Variants in SV2C observed in about 807,000 individuals in gnomAD.
SV2C encodes synaptic vesicle glycoprotein 2C.
In SV2C, 49 loss-of-function variants were observed where a neutral mutation model predicts 79.7. That is an observed-to-expected ratio of 0.61 (90% CI 0.49 to 0.78). SV2C has a LOEUF of 0.78. Among genes scored for constraint, SV2C ranks in the 30% least tolerant of loss-of-function variants. The probability of loss-of-function intolerance (pLI) is 0.00; values close to 1 mark genes in which losing one functional copy is unlikely to be tolerated. For synonymous variants in SV2C, 334 were observed against 333.2 expected, an observed-to-expected ratio of 1.00 and a Z score of -0.03; for missense variants, 833 against 912.9, an observed-to-expected ratio of 0.91 and a Z score of 1.13.
chr5:76,177,642 T>G lies in SV2C; in HGVS notation c.581-17277T>G, dbSNP rs530105208. 1.7e-4 allele frequency among the ~76,000 whole-genome samples: 26 copies of G among 152,350 alleles called. No individual in the cohort carries two copies. The South Asian group carries it at 5.2e-3, about 30-fold the overall frequency. The stretch of plus-strand genomic sequence containing the variant: ...GATAAGGGGGAACTACTGTATGCTA[T>G]TCCAGATATGTGTTATTATGTCCCA... On this transcript the variant is annotated intron_variant, in intron 2 of 12. Transcript: ENST00000502798.
intron 4 of SV2C, among the ~76,000 whole-genome samples, chr5:76,247,304 C>T (rs1200021744): frequency 1.6e-5 from 2 of 123,158 alleles, no homozygotes; most frequent in African/African-American, 5.1e-5. Context: ...ATGCTAAACA[C>T]TTACAGGTAC....
intron 4 of SV2C, 130 bp from the exon 5 acceptor site, chr5:76,285,032 C>G: frequency 7.5e-7 from 1 of 1,333,904 alleles, no homozygotes; most frequent in Non-Finnish European, 1.0e-6. Context: ...GGATGATGCC[C>G]AGATCAGCTC....
intron 2 of SV2C, among the ~76,000 whole-genome samples, chr5:76,190,350 A>G (rs1444717683): frequency 6.6e-6 from 1 of 152,170 alleles, no homozygotes. Flanking sequence ...ATAGAAAATT[A>G]CCAAGAGGGA....
the SV2C span, among the ~76,000 whole-genome samples, chr5:75,895,601 A>G: frequency 2.6e-5 from 4 of 152,128 alleles, no homozygotes; most frequent in African/African-American, 9.7e-5. Flanking sequence ...TTTGTAACAG[A>G]TGGGAAAAGT....
chr5:75,856,836 G>A, the SV2C span, among the ~76,000 whole-genome samples: 1 of 152,062 alleles, frequency 6.6e-6, no homozygotes, highest in Non-Finnish European at 1.5e-5. Context: ...TTTGTTGCCT[G>A]TGCGAGTGGA....
chr5:76,272,413 T>A (rs558609218), intron 4 of SV2C, among the ~76,000 whole-genome samples: 75 of 152,332 alleles, frequency 4.9e-4, no homozygotes, highest in Middle Eastern at 6.8e-3. Flanking sequence ...GAAAATTTGA[T>A]CTGGAAGAGA....
At chr5:76,216,342 C>T (rs558965519) in intron 4 of SV2C, among the ~76,000 whole-genome samples, 1 of 152,302 alleles carries the variant, frequency 6.6e-6, no homozygotes, top group African/African-American at 2.4e-5. Flanking sequence ...CACACCAGCA[C>T]CTTCCCTGCC....
the SV2C span, among the ~76,000 whole-genome samples, chr5:75,868,544 A>C: frequency 6.6e-6 from 1 of 152,376 alleles, no homozygotes; most frequent in East Asian, 1.9e-4. Context: ...TGCTTTAGGA[A>C]GTACCTGCTC....
chr5:75,859,571 G>C, the SV2C span, among the ~76,000 whole-genome samples: 1 of 152,180 alleles, frequency 6.6e-6, no homozygotes, highest in Non-Finnish European at 1.5e-5. Flanking sequence ...TCTCCCCTGT[G>C]TGAGACACCC....
At chr5:76,075,767 C>A in the SV2C span, 1 of 296,396 alleles carries the variant, frequency 3.4e-6, no homozygotes, top group Non-Finnish European at 6.9e-6. Flanking sequence ...AAAGACATTG[C>A]TATCAAGTAA....
intron 4 of SV2C, among the ~76,000 whole-genome samples, chr5:76,275,006 A>G (rs192061597): frequency 1.4e-4 from 22 of 152,304 alleles, no homozygotes; most frequent in African/African-American, 5.1e-4. Context: ...TTAGTTGGCC[A>G]GGTGCCTTGT....
the SV2C span, among the ~76,000 whole-genome samples, chr5:75,994,320 G>A: frequency 6.6e-6 from 1 of 152,092 alleles, no homozygotes; most frequent in African/African-American, 2.4e-5. Flanking sequence ...ACAAAAGGCA[G>A]AGAAAGCCTT....
the SV2C span, among the ~76,000 whole-genome samples, chr5:75,990,481 T>C: frequency 6.6e-6 from 1 of 151,984 alleles, no homozygotes; most frequent in Non-Finnish European, 1.5e-5. Flanking sequence ...TTAATCTTTC[T>C]TTCATTACAG....
chr5:76,048,265 C>G, the SV2C span, among the ~76,000 whole-genome samples: 1 of 152,116 alleles, frequency 6.6e-6, no homozygotes, highest in Non-Finnish European at 1.5e-5. Flanking sequence ...TAATTCGGTC[C>G]AAGCTCAAAG....
At chr5:76,060,402 A>T in the SV2C span, among the ~76,000 whole-genome samples, 2 of 152,146 alleles carry the variant, frequency 1.3e-5, no homozygotes, top group South Asian at 2.1e-4. Flanking sequence ...CTTCTGGATA[A>T]CTTGCTGCAG....
intron 12 of SV2C, among the ~76,000 whole-genome samples, chr5:76,303,696 C>T (rs892715520): frequency 3.3e-5 from 5 of 151,788 alleles, no homozygotes; most frequent in African/African-American, 4.8e-5. Context: ...GTGAGAAGTA[C>T]AGACCTACGG....
chr5:76,075,742 GT>G, the SV2C span: 1 of 347,394 alleles, frequency 2.9e-6, no homozygotes, highest in South Asian at 2.6e-5. Flanking sequence ...TTTTGCAGTT[GT>G]TTTATGGATC....
At chr5:76,285,327 C>A (rs1747317626) in intron 5 of SV2C, 32 bp downstream of exon 5, 1 of 1,609,694 alleles carries the variant, frequency 6.2e-7, no homozygotes. Flanking sequence ...ACTCAGGTAG[C>A]CCACCTCTAT....
At chr5:76,073,976 A>T in the SV2C span, among the ~76,000 whole-genome samples, 1 of 152,324 alleles carries the variant, frequency 6.6e-6, no homozygotes, top group South Asian at 2.1e-4. Flanking sequence ...AGCCCAGAAT[A>T]TCCATGTCTT....
Sources: gnomAD v4.1 joint callset for allele counts (sites outside exome capture counted in the v4.1 genomes callset) on GRCh38, gnomAD v4.1.1 for gene constraint, MANE v1.5 for transcripts, NCBI Gene and HGNC (gene_info 2026-07-23, HGNC 2026-07-21) for gene names.